The following TOP2B variants were observed in gnomAD, a reference collection of about 807,000 sequenced individuals.
TOP2B encodes DNA topoisomerase 2-beta.
Under a neutral mutation model 193.5 loss-of-function variants are expected in TOP2B, and 51 were observed. The ratio of observed to expected loss-of-function variants is 0.26; its 90% CI spans 0.21 to 0.33. The LOEUF is 0.33. Among genes scored for constraint, TOP2B ranks in the 10% least tolerant of loss-of-function variants. The pLI is 1.00. For missense variants in TOP2B, 1,378 were observed against 1,909.3 expected, an observed-to-expected ratio of 0.72 and a Z score of 5.19; for synonymous variants, 634 against 635.7, an observed-to-expected ratio of 1.00 and a Z score of 0.04.
chr3:25,664,902 A>C lies in TOP2B; in HGVS notation c.-605T>G. ...TCCCTCTTGTCCGGCATAACACCGC[A>C]CACACACATTTGCACACCGGGGAGA... On this transcript the variant is annotated 5_prime_UTR_variant, in exon 1 of 36. Transcript: ENST00000264331. 1 of 988,798 alleles carries C rather than the reference A, an allele frequency of 1.0e-6. No individual in the cohort carries two copies. The highest frequency in any genetic ancestry group is 1.2e-6 in the Non-Finnish European group (1 of 831,360). 61.3% of individuals were successfully genotyped at this position (988,798 alleles called of 1,614,324 possible).
chr3:25,624,676 G>A lies in TOP2B; in HGVS notation c.2346+6C>T. 1 of 1,613,036 alleles carries A rather than the reference G, an allele frequency of 6.2e-7. No individual in the cohort carries two copies. Among genetic ancestry groups the A allele is most frequent in the Non-Finnish European group, 8.5e-7 (1 of 1,179,586 alleles). ...GTTCTCAATTGATTCCAATCTTAATGCTTACTTCTCCATGATGATAAGCCG... is the reference window on the plus strand; with the variant it reads ...GTTCTCAATTGATTCCAATCTTAATACTTACTTCTCCATGATGATAAGCCG... On this transcript the variant is annotated splice_donor_region_variant and intron_variant, in intron 19 of 35. Transcript: ENST00000264331.
chr3:25,645,333 A>G lies in TOP2B; in HGVS notation c.207T>C (p.Asp69=), dbSNP rs1044712578. 2.5e-6 allele frequency: 4 copies of G among 1,610,824 alleles called. No homozygotes were observed. Among genetic ancestry groups the G allele is most frequent in the Non-Finnish European group, 8.5e-7 (1 of 1,178,302 alleles). The change falls in exon 2 of 36, where the codon GAT becomes GAC. Residue 69 remains aspartate, a synonymous_variant. Transcript: ENST00000264331. ...TQLEHILLRP[D]TYIGSVEPLT... ...ATGGCTCCACTGACCCAATATATGT[A>G]TCAGGACGAAGAAGAATGTGTTCAA...
At chr3:25,607,109 A>G in intron 31 of TOP2B, 62 bp downstream of exon 31, 1 of 1,575,008 alleles carries the variant, frequency 6.3e-7, no homozygotes, top group Non-Finnish European at 8.6e-7. Flanking sequence ...AGCTCACTAT[A>G]ATATCTTTGG....
At chr3:25,623,076 C>A (rs1702702841) in intron 21 of TOP2B, among the ~76,000 whole-genome samples, 1 of 152,156 alleles carries the variant, frequency 6.6e-6, no homozygotes, top group Admixed American at 6.5e-5. Flanking sequence ...CCACGCCCAG[C>A]CTTGGGGATA....
rs1010367316 is a variant in TOP2B at position 25,654,765 on chromosome 3, T to C, written c.70-9295A>G. On this transcript the variant is annotated intron_variant, in intron 1 of 35. Transcript: ENST00000264331. ...AAGAGAGAGCACAGAAATAAACCCT[T>C]ACATAAAAGGCCAAATGATTTTTCA... Among the ~76,000 whole-genome samples, 7 of 152,094 alleles carry C rather than the reference T, an allele frequency of 4.6e-5. No individual in the cohort carries two copies. The South Asian group carries it at 8.3e-4, about 18-fold the overall frequency.
intron 1 of TOP2B, among the ~76,000 whole-genome samples, chr3:25,649,570 G>A (rs1703519354): frequency 6.8e-6 from 1 of 146,680 alleles, no homozygotes; most frequent in Non-Finnish European, 1.5e-5. Context: ...AACCTTGCAA[G>A]ATAGAAGGGA....
At chr3:25,647,505 T>A (rs1703442096) in intron 1 of TOP2B, among the ~76,000 whole-genome samples, 1 of 152,018 alleles carries the variant, frequency 6.6e-6, no homozygotes, top group African/African-American at 2.4e-5. Flanking sequence ...AGGCTACTCT[T>A]CTAAAACCAA....
chr3:25,664,424 G>A lies in TOP2B; in HGVS notation c.-127C>T, dbSNP rs1017408165. 4.7e-6 allele frequency: 6 copies of A among 1,268,614 alleles called. No individual in the cohort carries two copies. The African/African-American group carries it at 6.3e-5, about 13-fold the overall frequency. 78.6% of individuals were successfully genotyped at this position (1,268,614 alleles called of 1,614,324 possible). Reference sequence around the variant, plus strand: ...CGCACTCCTAGCCGCGCCGACCCCCGCGCCCCATCGCGAAGATCCGGAGCG... The same window carrying A: ...CGCACTCCTAGCCGCGCCGACCCCCACGCCCCATCGCGAAGATCCGGAGCG... On this transcript the variant is annotated 5_prime_UTR_variant, in exon 1 of 36. Transcript: ENST00000264331.
At chr3:25,643,832 T>A in intron 2 of TOP2B, 48 bp from the exon 3 acceptor site, 1 of 1,367,804 alleles carries the variant, frequency 7.3e-7, no homozygotes, top group Non-Finnish European at 1.0e-6. Flanking sequence ...ATCCTTAATA[T>A]CAATTTTTCA....
In TOP2B at chr3:25,623,760, AAAG is replaced by A; in HGVS notation, c.2496-17_2496-15del. The A allele has an allele frequency of 6.5e-7, 1 of 1,549,218 alleles. No individual in the cohort carries two copies. The highest frequency in any genetic ancestry group is 8.8e-7 in the Non-Finnish European group (1 of 1,132,128). On this transcript the variant is annotated splice_polypyrimidine_tract_variant and intron_variant, in intron 20 of 35. Transcript: ENST00000264331. ...CTTGCTAAAGTGCTAATGAAAACAA[AAAG>A]AAGCAAATGAAAAAATGTCATGGCT...
In TOP2B at chr3:25,638,326, A is replaced by T. The variant is rs1193358985; in HGVS notation, c.396-16T>A. On this transcript the variant is annotated splice_polypyrimidine_tract_variant and intron_variant, in intron 4 of 35. Coordinates refer to ENST00000264331, the MANE Select transcript of TOP2B (RefSeq NM_001330700.2). Reference sequence around the variant, plus strand: ...GTTAGATTCACTGTAAAAAAAAAAAAAAAAAAAAAAAAAAAAAAAAAAAAA... The same window carrying T: ...GTTAGATTCACTGTAAAAAAAAAAATAAAAAAAAAAAAAAAAAAAAAAAAA... The T allele has an allele frequency of 2.3e-5, 28 of 1,240,730 alleles. 2 individuals are homozygous for T. The African/African-American group carries it at 4.7e-4, about 21-fold the overall frequency. 76.9% of individuals were successfully genotyped at this position (1,240,730 alleles called of 1,614,324 possible).
chr3:25,604,573 T>C (rs1702187119), intron 33 of TOP2B, among the ~76,000 whole-genome samples, 187 bp downstream of exon 33: 1 of 152,216 alleles, frequency 6.6e-6, no homozygotes, highest in Non-Finnish European at 1.5e-5. Flanking sequence ...AGCTTTAAAA[T>C]TAAGTCTTAC....
chr3:25,634,791 A>AAC lies in TOP2B; in HGVS notation c.853-778_853-777insGT, dbSNP rs1553642260. Among the ~76,000 whole-genome samples, 82 of 138,470 alleles carry AAC rather than the reference A, an allele frequency of 5.9e-4. 3 individuals are homozygous for AAC. Among genetic ancestry groups the AAC allele is most frequent in the African/African-American group, 9.1e-4 (33 of 36,452 alleles). 90.8% of individuals were successfully genotyped at this position (138,470 alleles called of 152,430 possible). A position where few individuals can be genotyped will look rare whatever the true frequency, so the allele number is the denominator to read the frequency against. On this transcript the variant is annotated intron_variant, in intron 7 of 35. Transcript: ENST00000264331. The stretch of plus-strand genomic sequence containing the variant: ...TATCTCCCTTACCAAAAAAAAAAAA[A>AAC]AAAAAACCAAAAAAAGGCTTATTCT...
intron 7 of TOP2B, 51 bp downstream of exon 7, chr3:25,635,885 A>G: frequency 6.7e-7 from 1 of 1,500,674 alleles, no homozygotes; most frequent in Non-Finnish European, 9.2e-7. Flanking sequence ...ACCCAACAAT[A>G]TTCTCTCTAT....
intron 1 of TOP2B, among the ~76,000 whole-genome samples, chr3:25,658,249 AATT>A (rs566463535): frequency 6.6e-5 from 10 of 150,888 alleles, no homozygotes; most frequent in Middle Eastern, 3.5e-3. Flanking sequence ...ATATAATAAT[AATT>A]ATTATTATTA....
rs1319679176 is a variant in TOP2B at position 25,645,405 on chromosome 3, A to G, written c.135T>C (p.Ser45=). ...CTCTCTCAACAGACAACTTCTTTGA[A>G]GAATCATTTTTGTTGGCAGTTTCTG... is the stretch of plus-strand genomic sequence containing the variant. ...EESETANKND[S]SKKLSVERVY... Residue 45 remains serine (S), a synonymous_variant, in exon 2 of 36, where the codon TCT becomes TCC. Coordinates refer to ENST00000264331, the MANE Select transcript of TOP2B (RefSeq NM_001330700.2). 2 of 1,613,874 alleles carry G rather than the reference A, an allele frequency of 1.2e-6. No individual in the cohort carries two copies.
At position 25,632,676 on chromosome 3, in the gene TOP2B, T is replaced by C. The variant is rs762431059; in HGVS notation, c.1128+17A>G. The C allele has an allele frequency of 1.2e-6, 2 of 1,610,156 alleles. No individual in the cohort carries two copies. On this transcript the variant is annotated intron_variant, in intron 9 of 35. Transcript: ENST00000264331. ...GCATATGTATGCATCATGTACAATA[T>C]ATAACACATCCCTTACTTGAAATGG... is the stretch of plus-strand genomic sequence containing the variant.
intron 1 of TOP2B, among the ~76,000 whole-genome samples, chr3:25,651,759 C>A (rs866205572): frequency 1.3e-5 from 2 of 151,288 alleles, no homozygotes; most frequent in African/African-American, 4.9e-5. Context: ...CCCAGCTACT[C>A]GGGAGGCTGA....
At position 25,598,312 on chromosome 3, in the gene TOP2B, T is replaced by TAAAC. The variant is rs1387375358; in HGVS notation, c.4872_4875dup (p.Asn1626ValfsTer2). 1.9e-6 allele frequency: 3 copies of TAAAC among 1,607,586 alleles called. No homozygotes were observed. Among genetic ancestry groups the TAAAC allele is most frequent in the African/African-American group, 2.7e-5 (2 of 74,732 alleles). Reference sequence around the variant, plus strand: ...TGTTTGTGCTCTTTGGGCACTTAATTAAACATTGCAAAATCAACATCATCT... The same window carrying TAAAC: ...TGTTTGTGCTCTTTGGGCACTTAATTAAACAAACATTGCAAAATCAACATCATCT... On this transcript the variant is annotated frameshift_variant, in exon 36 of 36. Transcript: ENST00000264331. LOFTEE classifies it high-confidence loss of function.
Sources: gnomAD v4.1 joint callset for allele counts (sites outside exome capture counted in the v4.1 genomes callset) on GRCh38, gnomAD v4.1.1 for gene constraint, MANE v1.5 for transcripts, NCBI Gene and HGNC (gene_info 2026-07-23, HGNC 2026-07-21) for gene names.